Variants in AGMO observed in about 807,000 individuals in gnomAD.
AGMO encodes the protein alkylglycerol monooxygenase, also known as glyceryl-ether monooxygenase.
Under a neutral mutation model 60.2 loss-of-function variants are expected in AGMO, and 75 were observed. The ratio of observed to expected loss-of-function variants is 1.25; its 90% CI spans 1.03 to 1.51. The LOEUF is 1.51. AGMO is among the 40% of genes most tolerant of loss of function. The probability of loss-of-function intolerance (pLI) is 0.00; values close to 1 mark genes in which losing one functional copy is unlikely to be tolerated. For synonymous variants in AGMO, 261 were observed against 177.1 expected, an observed-to-expected ratio of 1.47 and a Z score of -3.76; for missense variants, 763 against 525.5, an observed-to-expected ratio of 1.45 and a Z score of -4.42.
chr7:15,127,058 C>T, the AGMO span, among the ~76,000 whole-genome samples: 1 of 152,088 alleles, frequency 6.6e-6, no homozygotes, highest in African/African-American at 2.4e-5. Context: ...TGGAAGCCCC[C>T]TCACCAGCTT....
At chr7:15,231,665 A>T (rs1782263238) in intron 12 of AGMO, among the ~76,000 whole-genome samples, 1 of 152,318 alleles carries the variant, frequency 6.6e-6, no homozygotes, top group South Asian at 2.1e-4. Context: ...AGCTAGTCAG[A>T]CCTGGGTTAA....
intron 12 of AGMO, among the ~76,000 whole-genome samples, chr7:15,223,246 T>C (rs2128497499): frequency 6.6e-6 from 1 of 152,100 alleles, no homozygotes; most frequent in East Asian, 1.9e-4. Context: ...GACTTGATCA[T>C]TATTGCTGTT....
chr7:15,536,748 A>G (rs1562560665), intron 3 of AGMO, among the ~76,000 whole-genome samples: 1 of 152,006 alleles, frequency 6.6e-6, no homozygotes, highest in Non-Finnish European at 1.5e-5. Flanking sequence ...GTCAATAGCT[A>G]TAGAAATAAA....
chr7:15,190,095 T>A, the AGMO span, among the ~76,000 whole-genome samples: 194 of 1,530 alleles, frequency 0.13, no homozygotes, highest in African/African-American at 0.25. Flanking sequence ...ATATATATAT[T>A]TATATATATA....
At chr7:15,512,688 G>T (rs1783706204) in intron 3 of AGMO, among the ~76,000 whole-genome samples, 1 of 152,042 alleles carries the variant, frequency 6.6e-6, no homozygotes, top group Admixed American at 6.6e-5. Flanking sequence ...ATATGGATTG[G>T]TATTCTCAGA....
chr7:15,269,806 T>G (rs999895860), intron 12 of AGMO, among the ~76,000 whole-genome samples: 2 of 151,988 alleles, frequency 1.3e-5, no homozygotes, highest in African/African-American at 4.8e-5. Flanking sequence ...ATTTCCATCT[T>G]TATATTCATG....
At chr7:15,155,103 T>A in the AGMO span, among the ~76,000 whole-genome samples, 1 of 152,126 alleles carries the variant, frequency 6.6e-6, no homozygotes, top group Admixed American at 6.6e-5. Flanking sequence ...TATTGCATAT[T>A]GAAAAGGTTC....
chr7:15,180,161 A>C, the AGMO span, among the ~76,000 whole-genome samples: 9 of 152,190 alleles, frequency 5.9e-5, no homozygotes, highest in African/African-American at 1.9e-4. Flanking sequence ...GCTTTGCTAC[A>C]CCTTTGGCGT....
chr7:15,436,088 A>C (rs1781392114), intron 3 of AGMO, among the ~76,000 whole-genome samples: 1 of 152,190 alleles, frequency 6.6e-6, no homozygotes, highest in East Asian at 1.9e-4. Context: ...AAAGGAAGAA[A>C]TATTATAGGC....
At chr7:15,267,541 G>C (rs1471589673) in intron 12 of AGMO, among the ~76,000 whole-genome samples, 1 of 151,890 alleles carries the variant, frequency 6.6e-6, no homozygotes, top group Admixed American at 6.6e-5. Flanking sequence ...CAGTCATTCA[G>C]GGACAAATTG....
At chr7:15,318,040 C>T (rs1239035032) in intron 12 of AGMO, among the ~76,000 whole-genome samples, 1 of 146,772 alleles carries the variant, frequency 6.8e-6, no homozygotes, top group Non-Finnish European at 1.5e-5. Flanking sequence ...GTATCTTGCT[C>T]TATCACCCAG....
At chr7:15,337,722 A>T (rs1177613659) in intron 12 of AGMO, among the ~76,000 whole-genome samples, 1 of 152,136 alleles carries the variant, frequency 6.6e-6, no homozygotes, top group Non-Finnish European at 1.5e-5. Context: ...AGGGGCAAAA[A>T]TCTCTGTGGC....
At chr7:15,390,072 G>T (rs1784075917) in intron 8 of AGMO, among the ~76,000 whole-genome samples, 2 of 151,914 alleles carry the variant, frequency 1.3e-5, no homozygotes, top group African/African-American at 4.8e-5. Context: ...GAGTATTTGT[G>T]GTGGTCTGAC....
rs1351475187 is a variant in AGMO, at chr7:15,531,549, TATATATATATTCTCTATATATTCC to T, written c.409+13199_409+13222del. On this transcript the variant is annotated intron_variant, in intron 3 of 12. Coordinates refer to ENST00000342526, the MANE Select transcript of AGMO (RefSeq NM_001004320.2). ...CTATATATATTCTCTATATATATTCTATATATATATTCTCTATATATTCCATATATATATTCTATATATATTCTA... is the reference window on the plus strand; with the variant it reads ...CTATATATATTCTCTATATATATTCTATATATATATTCTATATATATTCTA... Among the ~76,000 whole-genome samples the T allele has an allele frequency of 1.0e-4, 10 of 97,950 alleles. 1 individual carries two copies. Among genetic ancestry groups the T allele is most frequent in the African/African-American group, 2.4e-4 (6 of 24,792 alleles). 64.3% of individuals were successfully genotyped at this position (97,950 alleles called of 152,430 possible).
chr7:15,282,150 T>G (rs1783984718), intron 12 of AGMO, among the ~76,000 whole-genome samples: 1 of 152,124 alleles, frequency 6.6e-6, no homozygotes. Flanking sequence ...AAAATACTTC[T>G]GGTAATATGA....
chr7:15,217,978 T>C (rs1291178804), intron 12 of AGMO, among the ~76,000 whole-genome samples: 2 of 152,014 alleles, frequency 1.3e-5, no homozygotes, highest in African/African-American at 4.8e-5. Context: ...GGTTTGGTGC[T>C]ATTAAATAAA....
rs911797295 is a variant in AGMO, at chr7:15,456,148, G to A, written c.410-25040C>T. On this transcript the variant is annotated intron_variant, in intron 3 of 12. Coordinates refer to ENST00000342526, the MANE Select transcript of AGMO (RefSeq NM_001004320.2). ...TTTTCTCAAGCTTATATTCCAAACC[G>A]TGTTTGGATAATTTTATTTCTGTCT... 4.0e-5 allele frequency among the ~76,000 whole-genome samples: 6 copies of A among 151,688 alleles called. No homozygotes were observed. The East Asian group carries it at 5.8e-4, about 15-fold the overall frequency.
rs374981338 is a variant in AGMO at position 15,529,740 on chromosome 7, A to C, written c.409+15032T>G. The stretch of plus-strand genomic sequence containing the variant: ...ATACTATATACTCTATATATATTCT[A>C]TATATATATTTCTATATATATATTT... On this transcript the variant is annotated intron_variant, in intron 3 of 12. Transcript: ENST00000342526. 2.4e-4 allele frequency among the ~76,000 whole-genome samples: 27 copies of C among 112,742 alleles called. 4 individuals carry two copies. The highest frequency in any genetic ancestry group is 5.2e-4 in the South Asian group (2 of 3,868). The allele number at this position is 112,742 out of a possible 152,430, so 74.0% of individuals were successfully genotyped here.
chr7:15,448,363 C>A lies in AGMO; in HGVS notation c.410-17255G>T, dbSNP rs1781759851. On this transcript the variant is annotated intron_variant, in intron 3 of 12. Coordinates refer to ENST00000342526, the MANE Select transcript of AGMO (RefSeq NM_001004320.2). Reference sequence around the variant, plus strand: ...TATGAGTTTACAATGAGAAGATGGTCATCTATGGACCAGGAAGTGGGCCCT... The same window carrying A: ...TATGAGTTTACAATGAGAAGATGGTAATCTATGGACCAGGAAGTGGGCCCT... Among the ~76,000 whole-genome samples the A allele has an allele frequency of 2.6e-5, 4 of 152,154 alleles. No homozygotes were observed. The South Asian group carries it at 8.3e-4, about 31-fold the overall frequency.
Sources: allele counts gnomAD v4.1 joint callset (sites outside exome capture counted in the v4.1 genomes callset), GRCh38; gene constraint gnomAD v4.1.1; transcripts MANE v1.5; gene names NCBI Gene and HGNC (gene_info 2026-07-23, HGNC 2026-07-21).